The following SEMA6D variants were observed in gnomAD, a reference collection of about 807,000 sequenced individuals.
The protein encoded by SEMA6D is semaphorin-6D.
A neutral mutation model predicts 106.6 loss-of-function variants in SEMA6D; 35 were observed. That is an observed-to-expected ratio of 0.33 (90% confidence interval 0.25 to 0.44). The LOEUF is 0.44. Among genes scored for constraint, SEMA6D ranks in the 20% least tolerant of loss-of-function variants. SEMA6D has a pLI of 1.00. For synonymous variants in SEMA6D, 499 were observed against 487.7 expected (o/e 1.02, Z -0.31); for missense variants, 1,185 against 1,345.9 (o/e 0.88, Z 1.87).
chr15:47,483,041 A>G (rs894490538), intron 3 of SEMA6D, among the ~76,000 whole-genome samples: 16 of 152,164 alleles, frequency 1.1e-4, no homozygotes, highest in African/African-American at 3.6e-4. Context: ...CAAATGATAT[A>G]ACAAATAATC....
chr15:47,322,276 GTTA>G (rs1321574695), intron 1 of SEMA6D, among the ~76,000 whole-genome samples: 1 of 145,182 alleles, frequency 6.9e-6, no homozygotes, highest in Non-Finnish European at 1.5e-5. Flanking sequence ...GCGTTCACTA[GTTA>G]TTTTTTTTTT....
At chr15:47,550,672 G>C (rs1019710202) in intron 3 of SEMA6D, among the ~76,000 whole-genome samples, 1 of 152,162 alleles carries the variant, frequency 6.6e-6, no homozygotes, top group Non-Finnish European at 1.5e-5. Flanking sequence ...GGACAAGTGA[G>C]CATCACACTC....
chr15:47,240,954 TTTGCTATAG>T lies in SEMA6D; in HGVS notation c.-239+56538_-239+56546del, dbSNP rs565181645. Among the ~76,000 whole-genome samples the T allele has an allele frequency of 1.6e-4, 24 of 152,260 alleles. 1 individual carries two copies. In the South Asian group the frequency reaches 5.0e-3, roughly 32 times the overall value. Reference sequence around the variant, plus strand: ...TTTAAGCCAAAACATTCTAAAAGGTTTTGCTATAGTGTCTATCCATACATTCTGAAATGC... The same window carrying T: ...TTTAAGCCAAAACATTCTAAAAGGTTTGTCTATCCATACATTCTGAAATGC... On this transcript the variant is annotated intron_variant, in intron 1 of 19. Coordinates refer to the SEMA6D transcript ENST00000558014.
chr15:47,337,007 C>T (rs658216), intron 1 of SEMA6D, among the ~76,000 whole-genome samples: 2 of 151,938 alleles, frequency 1.3e-5, no homozygotes, highest in African/African-American at 2.4e-5. Context: ...TTTACTGACT[C>T]AAGGGCAGTG....
At chr15:47,706,803 G>C (rs764327867) in intron 4 of SEMA6D, among the ~76,000 whole-genome samples, 29 of 147,538 alleles carry the variant, frequency 2.0e-4, no homozygotes, top group Non-Finnish European at 3.3e-4. Flanking sequence ...ATGAATGAAG[G>C]AACAAATCAC....
At position 47,522,040 on chromosome 15, in the gene SEMA6D, A is replaced by G. The variant is rs568701700; in HGVS notation, c.-87+51495A>G. Among the ~76,000 whole-genome samples, 18 of 152,238 alleles carry G rather than the reference A, an allele frequency of 1.2e-4. No homozygotes were observed. In the South Asian group the frequency reaches 3.7e-3, roughly 32 times the overall value. ...CAGTAATGACCTTTAAGGGAACTAT[A>G]TCACTTTATCTACCAGCAATCTGAT... On this transcript the variant is annotated intron_variant, in intron 3 of 19. Transcript: ENST00000558014.
intron 1 of SEMA6D, among the ~76,000 whole-genome samples, chr15:47,371,826 T>A (rs752733448): frequency 2.6e-5 from 4 of 152,234 alleles, no homozygotes; most frequent in Admixed American, 1.3e-4. Flanking sequence ...TATTGAGTGC[T>A]TAGTTGCTTG....
rs138820970 is a variant in SEMA6D at position 47,735,336 on chromosome 15, T to G, written c.-55+17644T>G. On this transcript the variant is annotated intron_variant, in intron 1 of 18. Coordinates refer to ENST00000536845, the MANE Select transcript of SEMA6D (RefSeq NM_001358351.3). ...ATATCTGTTCTCCAGTGACCCAGAC[T>G]CTCCAAGATGCAAGAAAGAGGTACC... Among the ~76,000 whole-genome samples, 598 of 152,222 alleles carry G rather than the reference T, an allele frequency of 3.9e-3. 2 individuals carry two copies. Among genetic ancestry groups the G allele is most frequent in the African/African-American group, 0.014 (582 of 41,534 alleles).
chr15:47,261,776 TG>T (rs1403356508), intron 1 of SEMA6D, among the ~76,000 whole-genome samples: 1 of 152,188 alleles, frequency 6.6e-6, no homozygotes, highest in African/African-American at 2.4e-5. Flanking sequence ...TATAATAGTG[TG>T]TTTTCTGACT....
At chr15:47,359,620 T>C (rs1204434034) in intron 1 of SEMA6D, 2 of 152,114 alleles carry the variant, frequency 1.3e-5, no homozygotes, top group African/African-American at 2.4e-5. Context: ...AAAATTCAGA[T>C]ACCAACTAAA....
chr15:47,423,150 C>A (rs542739298), intron 2 of SEMA6D, among the ~76,000 whole-genome samples: 1 of 152,088 alleles, frequency 6.6e-6, no homozygotes, highest in East Asian at 1.9e-4. Context: ...AAGTGATGGG[C>A]CACACCTCTT....
chr15:47,203,407 C>T (rs1894846689), intron 1 of SEMA6D, among the ~76,000 whole-genome samples: 1 of 152,140 alleles, frequency 6.6e-6, no homozygotes, highest in South Asian at 2.1e-4. Context: ...ACTGGAAGTC[C>T]ATCACCACAC....
At chr15:47,652,600 C>T (rs1442917022) in intron 4 of SEMA6D, among the ~76,000 whole-genome samples, 2 of 152,120 alleles carry the variant, frequency 1.3e-5, no homozygotes, top group East Asian at 3.9e-4. Flanking sequence ...ACAGAAAAGC[C>T]TTGGGGGCAT....
At chr15:47,673,319 G>A (rs2078173809) in intron 4 of SEMA6D, among the ~76,000 whole-genome samples, 1 of 152,200 alleles carries the variant, frequency 6.6e-6, no homozygotes, top group Admixed American at 6.5e-5. Context: ...CCACCAGGCT[G>A]TGAAGGATGA....
chr15:47,638,756 A>G (rs753836560), intron 4 of SEMA6D, among the ~76,000 whole-genome samples: 2 of 152,132 alleles, frequency 1.3e-5, no homozygotes, highest in Non-Finnish European at 2.9e-5. Context: ...CTCCCTCCGC[A>G]TTTCTCGCTT....
chr15:47,601,250 C>T (rs1270031298), intron 4 of SEMA6D, among the ~76,000 whole-genome samples: 11 of 152,104 alleles, frequency 7.2e-5, no homozygotes, highest in Admixed American at 7.2e-4. Context: ...CAGGGCCTTG[C>T]ACCTCTCCAA....
intron 1 of SEMA6D, among the ~76,000 whole-genome samples, chr15:47,231,394 T>C (rs1209518057): frequency 1.3e-5 from 2 of 151,974 alleles, no homozygotes; most frequent in Non-Finnish European, 2.9e-5. Flanking sequence ...TTCCTCTTTC[T>C]TAATCTTTCA....
intron 1 of SEMA6D, among the ~76,000 whole-genome samples, chr15:47,212,687 C>T (rs534276294): frequency 6.6e-6 from 1 of 152,270 alleles, no homozygotes; most frequent in African/African-American, 2.4e-5. Context: ...AGTAGCATTT[C>T]CTTTCTTTTT....
At chr15:47,271,304 CAAG>C (rs2034554432) in intron 1 of SEMA6D, among the ~76,000 whole-genome samples, 1 of 152,064 alleles carries the variant, frequency 6.6e-6, no homozygotes, top group Admixed American at 6.6e-5. Flanking sequence ...GGTAGGTAAA[CAAG>C]GAGGTCATCC....
Sources: gnomAD v4.1 joint callset for allele counts (sites outside exome capture counted in the v4.1 genomes callset) on GRCh38, gnomAD v4.1.1 for gene constraint, MANE v1.5 for transcripts, NCBI Gene and HGNC (gene_info 2026-07-23, HGNC 2026-07-21) for gene names.